CLTCL1: variants seen among roughly 807,000 people sequenced by gnomAD.
CLTCL1 encodes the protein clathrin heavy chain like 1, also known as clathrin heavy chain 2.
In CLTCL1, 159 loss-of-function variants were observed where a neutral mutation model predicts 190.0. The ratio of observed to expected loss-of-function variants is 0.84; its 90% CI spans 0.74 to 0.95. CLTCL1 has a LOEUF of 0.95. Among genes scored for constraint, CLTCL1 ranks in the 40% least tolerant of loss-of-function variants. The pLI is 0.00. For missense variants in CLTCL1, 1,878 were observed against 2,033.4 expected, an observed-to-expected ratio of 0.92 and a Z score of 1.47; for synonymous variants, 752 against 769.6, an observed-to-expected ratio of 0.98 and a Z score of 0.38.
intron 11 of CLTCL1, among the ~76,000 whole-genome samples, chr22:19,228,475 A>G (rs1271247710): frequency 3.9e-5 from 6 of 152,146 alleles, no homozygotes; most frequent in Admixed American, 6.5e-5. Flanking sequence ...TTCACCAGAA[A>G]CGGTTACATA....
intron 22 of CLTCL1, among the ~76,000 whole-genome samples, chr22:19,203,588 C>T (rs916924388): frequency 2.6e-5 from 4 of 152,182 alleles, no homozygotes; most frequent in Non-Finnish European, 5.9e-5. Flanking sequence ...TGGCCAGTCT[C>T]CATCTCCCCC....
intron 3 of CLTCL1, among the ~76,000 whole-genome samples, chr22:19,253,272 C>T (rs905054649): frequency 1.3e-5 from 2 of 152,054 alleles, no homozygotes; most frequent in African/African-American, 2.4e-5. Context: ...CCAGGAAGGC[C>T]GCGTTGTGTG....
At chr22:19,215,532 C>T (rs2145697703) in intron 19 of CLTCL1, among the ~76,000 whole-genome samples, 1 of 152,180 alleles carries the variant, frequency 6.6e-6, no homozygotes, top group East Asian at 1.9e-4. Context: ...CTGGTCCATG[C>T]CGAAACACAC....
Position 19,233,555 on chromosome 22 carries a change from G to A in CLTCL1, c.1235C>T (p.Ser412Phe). ...QSIPAQSGQA[S>F]PLLQYFGILL... ...GATTCCGAAGTACTGCAGCAATGGA[G>A]AAGCCTGGCCAGACTGAGCGGGTAT... is the stretch of plus-strand genomic sequence containing the variant. The change falls in exon 8 of 33, where the codon TCT becomes TTT. Residue 412 changes from serine to phenylalanine, a missense_variant. Coordinates refer to ENST00000427926, the MANE Select transcript of CLTCL1 (RefSeq NM_007098.4). 6.2e-7 allele frequency: 1 copy of A among 1,613,894 alleles called. No homozygotes were observed. Among genetic ancestry groups the A allele is most frequent in the Non-Finnish European group, 8.5e-7 (1 of 1,179,898 alleles).
intron 3 of CLTCL1, among the ~76,000 whole-genome samples, chr22:19,251,377 C>T (rs536840840): frequency 6.6e-6 from 1 of 152,226 alleles, no homozygotes; most frequent in East Asian, 1.9e-4. Flanking sequence ...TTACTAGATT[C>T]CTTAGGATTT....
In CLTCL1 at chr22:19,219,943, T is replaced by C. The variant is rs782084968; in HGVS notation, c.2861A>G (p.Glu954Gly). 8.7e-6 allele frequency: 14 copies of C among 1,613,916 alleles called. No individual in the cohort carries two copies. The Admixed American group carries it at 1.8e-4, about 21-fold the overall frequency. Residue 954 changes from glutamate (E) to glycine (G), a missense_variant, in exon 18 of 33, where the codon GAG (glutamate) becomes GGG (glycine). Transcript: ENST00000427926. ...ARYLVCRKDP[E>G]LWAHVLEETN... ...CTCCTCAAGGACGTGAGCCCAGAGC[T>C]CCGGATCCTTTCTGCATACCAGGTA...
At position 19,207,457 on chromosome 22, in the gene CLTCL1, G is replaced by C. The variant is rs1414486814; in HGVS notation, c.3600+697C>G. On this transcript the variant is annotated intron_variant, in intron 22 of 32. Coordinates refer to ENST00000427926, the MANE Select transcript of CLTCL1 (RefSeq NM_007098.4). ...GAATTATTCTGATGTGTATAGCCAA[G>C]AGCATGTCAAAATTCCATGGGTCTC... 9 of 400,208 alleles carry C rather than the reference G, an allele frequency of 2.2e-5. No individual in the cohort carries two copies. In the East Asian group the frequency reaches 3.2e-4, roughly 14 times the overall value. 24.8% of individuals were successfully genotyped at this position (400,208 alleles called of 1,614,324 possible).
At position 19,235,835 on chromosome 22, in the gene CLTCL1, G is replaced by T. The variant is rs782286797; in HGVS notation, c.830C>A (p.Thr277Lys). 3 of 1,613,960 alleles carry T rather than the reference G, an allele frequency of 1.9e-6. No homozygotes were observed. In the East Asian group the frequency reaches 6.7e-5, roughly 36 times the overall value. ...GAKHGVIYLI[T>K]KYGYLHLYDL... is the part of the protein sequence containing the mutation. ...GTACAGATGAAGATAGCCATACTTT[G>T]TGATCAAGTAAATAACACCATGTTT... Residue 277 changes from threonine (T) to lysine (K), a missense_variant, in exon 6 of 33, where the codon ACA (threonine) becomes AAA (lysine). By Grantham distance (78) the Thr-to-Lys change is moderately conservative (BLOSUM62 -1). Coordinates refer to ENST00000427926, the MANE Select transcript of CLTCL1 (RefSeq NM_007098.4).
chr22:19,258,512 C>T (rs2086839886), intron 2 of CLTCL1: 2 of 522,688 alleles, frequency 3.8e-6, no homozygotes, highest in Admixed American at 4.9e-5. Flanking sequence ...CCTGCTATAC[C>T]ACGCAGATGG....
rs533511356 is a variant in CLTCL1 at position 19,279,603 on chromosome 22, C to T, written c.43-3773G>A. 7.9e-5 allele frequency among the ~76,000 whole-genome samples: 12 copies of T among 152,286 alleles called. No individual in the cohort carries two copies. In the East Asian group the frequency reaches 1.7e-3, roughly 22 times the overall value. ...CCAAACCAATCTAATTTTCTTGAAGCCAAGTAAATGTGATAGAATAAATCT... is the reference window on the plus strand; with the variant it reads ...CCAAACCAATCTAATTTTCTTGAAGTCAAGTAAATGTGATAGAATAAATCT... On this transcript the variant is annotated intron_variant, in intron 1 of 32. Coordinates refer to ENST00000427926, the MANE Select transcript of CLTCL1 (RefSeq NM_007098.4).
chr22:19,222,322 G>C (rs2085598679), intron 15 of CLTCL1, among the ~76,000 whole-genome samples: 1 of 152,124 alleles, frequency 6.6e-6, no homozygotes, highest in Non-Finnish European at 1.5e-5. Context: ...TAATGTAATG[G>C]GACTAGTGTC....
intron 1 of CLTCL1, among the ~76,000 whole-genome samples, chr22:19,284,297 T>C (rs1555988784): frequency 6.6e-6 from 1 of 152,236 alleles, no homozygotes; most frequent in Non-Finnish European, 1.5e-5. Context: ...AGCATATGGA[T>C]GGTAAACAAA....
At chr22:19,257,736 G>A in intron 2 of CLTCL1, 1 of 1,282,508 alleles carries the variant, frequency 7.8e-7, no homozygotes, top group African/African-American at 1.5e-5. Flanking sequence ...CAGGGGTCTG[G>A]CAGGAATAGG....
intron 18 of CLTCL1, among the ~76,000 whole-genome samples, chr22:19,219,157 T>TTTTA (rs201050834): frequency 0.14 from 20,798 of 148,854 alleles, 1,919 homozygotes; most frequent in African/African-American, 0.25. Flanking sequence ...GACTAAGATG[T>TTTTA]TTTATTTATT....
rs1301204646 is a variant in CLTCL1 at position 19,197,385 on chromosome 22, GCCGCCTGTGCT to G, written c.3874-740_3874-730del. Among the ~76,000 whole-genome samples, 4 of 152,028 alleles carry G rather than the reference GCCGCCTGTGCT, an allele frequency of 2.6e-5. No homozygotes were observed. The East Asian group carries it at 7.7e-4, about 29-fold the overall frequency. ...GCACCCCCCAATCAGCTACAGACAC[GCCGCCTGTGCT>G]CCTGTCTGGAACCTGCCCAGCCTGC... On this transcript the variant is annotated intron_variant, in intron 24 of 32. Coordinates refer to ENST00000427926, the MANE Select transcript of CLTCL1 (RefSeq NM_007098.4).
At chr22:19,184,501 T>G (rs1555927389) in intron 29 of CLTCL1, 1 of 455,942 alleles carries the variant, frequency 2.2e-6, no homozygotes, top group South Asian at 1.5e-5. Context: ...GCTGGCATGC[T>G]GCTCATCGAT....
rs782192748 is a variant in CLTCL1 at position 19,183,577 on chromosome 22, G to A, written c.4640C>T (p.Ala1547Val). ...AMQHAAESRD[A>V]ELAQKLLQWF... Reference sequence around the variant, plus strand: ...CTGCAGCAACTTCTGGGCCAGCTCAGCATCCCGCGACTCTGCAGCATGCTG... The same window carrying A: ...CTGCAGCAACTTCTGGGCCAGCTCAACATCCCGCGACTCTGCAGCATGCTG... Residue 1547 changes from alanine (A) to valine (V), a missense_variant, in exon 30 of 33, where the codon GCT (alanine) becomes GTT (valine). By Grantham distance (64) the Ala-to-Val change is moderately conservative (BLOSUM62 0). Transcript: ENST00000427926. The A allele has an allele frequency of 6.2e-7, 1 of 1,613,684 alleles. No homozygotes were observed. Among genetic ancestry groups the A allele is most frequent in the South Asian group, 1.1e-5 (1 of 91,088 alleles).
chr22:19,186,065 A>C (rs1385023211), intron 29 of CLTCL1, among the ~76,000 whole-genome samples: 1 of 152,216 alleles, frequency 6.6e-6, no homozygotes, highest in African/African-American at 2.4e-5. Flanking sequence ...GTGAAACTCA[A>C]TGCAACACTG....
At chr22:19,202,687 C>T (rs2084936273) in intron 22 of CLTCL1, among the ~76,000 whole-genome samples, 1 of 152,106 alleles carries the variant, frequency 6.6e-6, no homozygotes, top group South Asian at 2.1e-4. Context: ...TCCATAGCAC[C>T]TCTACTGCCA....
Sources: allele counts gnomAD v4.1 joint callset (sites outside exome capture counted in the v4.1 genomes callset), GRCh38; gene constraint gnomAD v4.1.1; transcripts MANE v1.5; gene names NCBI Gene and HGNC (gene_info 2026-07-23, HGNC 2026-07-21).